The following SYT13 variants were observed in gnomAD, a reference collection of about 807,000 sequenced individuals.
SYT13 encodes the protein synaptotagmin 13.
Under a neutral mutation model 38.6 loss-of-function variants are expected in SYT13, and 21 were observed. The ratio of observed to expected loss-of-function variants is 0.54; its 90% CI spans 0.39 to 0.78. The LOEUF is 0.78. Among genes scored for constraint, SYT13 ranks in the 30% least tolerant of loss-of-function variants. The pLI, the probability that SYT13 is intolerant of heterozygous loss-of-function variation, is 0.00. For synonymous variants in SYT13, 241 were observed against 237.6 expected (o/e 1.01, Z -0.13); for missense variants, 495 against 548.7 (o/e 0.90, Z 0.98).
In SYT13 at chr11:45,286,249, A is replaced by G; in HGVS notation, c.-42T>C. The G allele has an allele frequency of 6.7e-7, 1 of 1,485,362 alleles. No homozygotes were observed. The highest frequency in any genetic ancestry group is 8.9e-7 in the Non-Finnish European group (1 of 1,120,566). The allele number at this position is 1,485,362 out of a possible 1,614,324, so 92.0% of individuals were successfully genotyped here. A position where few individuals can be genotyped will look rare whatever the true frequency, so the allele number is the denominator to read the frequency against. ...GAGGGGCTGGGTCCCGCAGCCGCTC[A>G]CCTTCCCCGGGCCGGGCCCGCCTCC... On this transcript the variant is annotated 5_prime_UTR_variant, in exon 1 of 6. Transcript: ENST00000020926.
intron 1 of SYT13, among the ~76,000 whole-genome samples, chr11:45,279,879 C>A (rs768952170): frequency 6.6e-6 from 1 of 152,134 alleles, no homozygotes; most frequent in Non-Finnish European, 1.5e-5. Context: ...GTCCTATCAT[C>A]ATTAAGGTAC....
Position 45,286,234 on chromosome 11 carries a change from G to T in SYT13, c.-27C>A. On this transcript the variant is annotated 5_prime_UTR_variant, in exon 1 of 6. Coordinates refer to ENST00000020926, the MANE Select transcript of SYT13 (RefSeq NM_020826.3). Reference sequence around the variant, plus strand: ...GTGCCCGCTCCCGGCGAGGGGCTGGGTCCCGCAGCCGCTCACCTTCCCCGG... The same window carrying T: ...GTGCCCGCTCCCGGCGAGGGGCTGGTTCCCGCAGCCGCTCACCTTCCCCGG... The T allele has an allele frequency of 2.0e-6, 3 of 1,513,556 alleles. No homozygotes were observed. Among genetic ancestry groups the T allele is most frequent in the Non-Finnish European group, 2.6e-6 (3 of 1,133,126 alleles). 93.8% of individuals were successfully genotyped at this position (1,513,556 alleles called of 1,614,324 possible).
rs1854685178 is a variant in SYT13, at chr11:45,252,250, G to A, written c.846+171C>T. On this transcript the variant is annotated intron_variant, in intron 4 of 5. Coordinates refer to ENST00000020926, the MANE Select transcript of SYT13 (RefSeq NM_020826.3). The surrounding 1 kb of genome is among the most constrained non-coding windows in gnomAD (Gnocchi z 4.3). ...TAGGAATCCCAGATCCTGGGCTATG[G>A]GTCTCCTCTAGCCCTCTGCCCCATT... Among the ~76,000 whole-genome samples the A allele has an allele frequency of 1.3e-5, 2 of 152,246 alleles. No individual in the cohort carries two copies. Among genetic ancestry groups the A allele is most frequent in the South Asian group, 4.1e-4 (2 of 4,824 alleles).
chr11:45,249,213 C>T (rs192356953), intron 4 of SYT13, among the ~76,000 whole-genome samples: 23 of 152,300 alleles, frequency 1.5e-4, no homozygotes, highest in Admixed American at 2.6e-4. Context: ...TACCATCTCA[C>T]GCCAGTTAGA....
intron 4 of SYT13, among the ~76,000 whole-genome samples, chr11:45,247,064 A>G (rs1262929013): frequency 6.6e-6 from 1 of 152,308 alleles, no homozygotes; most frequent in East Asian, 1.9e-4. Flanking sequence ...ATGATGGTAG[A>G]TCATGCCCAG....
intron 4 of SYT13, among the ~76,000 whole-genome samples, chr11:45,249,214 G>A (rs140725398): frequency 0.027 from 4,149 of 152,214 alleles, 200 homozygotes; most frequent in African/African-American, 0.094. Context: ...ACCATCTCAC[G>A]CCAGTTAGAA....
intron 1 of SYT13, among the ~76,000 whole-genome samples, chr11:45,285,672 A>T (rs910684823): frequency 5.3e-5 from 8 of 151,500 alleles, no homozygotes; most frequent in Non-Finnish European, 1.0e-4. Context: ...AACCCTGGCG[A>T]TTCCCCTCCC....
chr11:45,243,826 A>G lies in SYT13; in HGVS notation c.*226T>C, dbSNP rs1350678160. On this transcript the variant is annotated 3_prime_UTR_variant, in exon 6 of 6. Transcript: ENST00000020926. ...CTGTATTTAATAAGCACCTCCTTCAATAACACAGATGAGCAAAATGCATTC... is the reference window on the plus strand; with the variant it reads ...CTGTATTTAATAAGCACCTCCTTCAGTAACACAGATGAGCAAAATGCATTC... 3 of 531,972 alleles carry G rather than the reference A, an allele frequency of 5.6e-6. No individual in the cohort carries two copies. Among genetic ancestry groups the G allele is most frequent in the Admixed American group, 7.0e-5 (2 of 28,620 alleles). The allele number at this position is 531,972 out of a possible 1,614,324, so 33.0% of individuals were successfully genotyped here.
chr11:45,259,547 A>G (rs1168226900), intron 1 of SYT13, among the ~76,000 whole-genome samples: 1 of 151,942 alleles, frequency 6.6e-6, no homozygotes, highest in Non-Finnish European at 1.5e-5. Context: ...CTTAAAATGC[A>G]CCCCTAGAGC....
chr11:45,285,836 AT>A, intron 1 of SYT13, 188 bp downstream of exon 1: 7 of 180,392 alleles, frequency 3.9e-5, no homozygotes, highest in Non-Finnish European at 6.5e-5. Flanking sequence ...CGTCTCCCCC[AT>A]CCCCTAGCCT....
intron 1 of SYT13, among the ~76,000 whole-genome samples, chr11:45,281,031 C>T (rs1236406763): frequency 6.6e-6 from 1 of 152,006 alleles, no homozygotes; most frequent in African/African-American, 2.4e-5. Context: ...CCCATCTCTA[C>T]TAAAAATACA....
chr11:45,259,869 A>C (rs1485672295), intron 1 of SYT13, among the ~76,000 whole-genome samples: 1 of 152,160 alleles, frequency 6.6e-6, no homozygotes, highest in Non-Finnish European at 1.5e-5. Context: ...CAGAGTGGAG[A>C]GACAGAAAGA....
Position 45,281,391 on chromosome 11 carries a change from C to T in SYT13, c.183+4634G>A, listed in dbSNP as rs374318470. Among the ~76,000 whole-genome samples the T allele has an allele frequency of 4.0e-5, 6 of 151,892 alleles. No homozygotes were observed. In the East Asian group the frequency reaches 7.8e-4, roughly 20 times the overall value. On this transcript the variant is annotated intron_variant, in intron 1 of 5. Transcript: ENST00000020926. ...GGACAGAAGGGGCCTGGGGGCCAGA[C>T]GCAGTGGCTCACACCTGTAACCCCA...
rs141984184 is a variant in SYT13 at position 45,252,466 on chromosome 11, C to T, written c.801G>A (p.Val267=). The T allele has an allele frequency of 2.5e-5, 40 of 1,610,802 alleles. No homozygotes were observed. The highest frequency in any genetic ancestry group is 1.7e-4 in the African/African-American group (13 of 74,912). Residue 267 remains valine (V), a synonymous_variant, in exon 4 of 6, where the codon GTG becomes GTA. Transcript: ENST00000020926. This position sits in a 1 kb window ranked among gnomAD's most constrained non-coding sequence, Gnocchi z 4.3. ...CGCCCCACTGGGCAGCCCCTAGAGGCACAGATGTCCCGTCCAGGCCCAGGC... is the reference window on the plus strand; with the variant it reads ...CGCCCCACTGGGCAGCCCCTAGAGGTACAGATGTCCCGTCCAGGCCCAGGC... ...ELRLGLDGTS[V]PLGAAQWGEL... is the part of the protein sequence containing the mutation.
At position 45,252,719 on chromosome 11, in the gene SYT13, A is replaced by C. The variant is rs551475019; in HGVS notation, c.548T>G (p.Val183Gly). 1.3e-6 allele frequency: 2 copies of C among 1,569,748 alleles called. No homozygotes were observed. The highest frequency in any genetic ancestry group is 2.7e-5 in the African/African-American group (2 of 74,142). ...ACAGCCTCCGTCGTGGTTGCTGGTCACAGCTGCAGGCAAGGAGAACAACAC... is the reference window on the plus strand; with the variant it reads ...ACAGCCTCCGTCGTGGTTGCTGGTCCCAGCTGCAGGCAAGGAGAACAACAC... The part of the protein sequence containing the change: ...AELFVTRLEA[V>G]TSNHDGGCDC... Residue 183 changes from valine to glycine, a missense_variant, in exon 4 of 6, where the codon GTG (valine) becomes GGG (glycine). Transcript: ENST00000020926. This position sits in a 1 kb window ranked among gnomAD's most constrained non-coding sequence, Gnocchi z 4.3.
chr11:45,256,868 G>A (rs1854754169), intron 1 of SYT13, among the ~76,000 whole-genome samples: 1 of 152,190 alleles, frequency 6.6e-6, no homozygotes. Flanking sequence ...GGAGAGACAT[G>A]TATGACTTGC....
At chr11:45,247,261 G>T (rs1383055064) in intron 4 of SYT13, among the ~76,000 whole-genome samples, 2 of 152,214 alleles carry the variant, frequency 1.3e-5, no homozygotes, top group Non-Finnish European at 2.9e-5. Flanking sequence ...TAGGAGGTGG[G>T]TGTTTGGTTG....
At chr11:45,266,377 G>A (rs1854881345) in intron 1 of SYT13, among the ~76,000 whole-genome samples, 1 of 152,126 alleles carries the variant, frequency 6.6e-6, no homozygotes, top group Non-Finnish European at 1.5e-5. Flanking sequence ...ATGAGTCTTT[G>A]TATTTGATTC....
rs116493384 is a variant in SYT13 at position 45,272,683 on chromosome 11, A to T, written c.183+13342T>A. On this transcript the variant is annotated intron_variant, in intron 1 of 5. Transcript: ENST00000020926. ...ATGATTTGATCATGGAAGGTCAGTG[A>T]TATCAGAGTACCTGGCTCCAAATTA... Among the ~76,000 whole-genome samples, 1,025 of 152,340 alleles carry T rather than the reference A, an allele frequency of 6.7e-3. 14 individuals are homozygous for T. The highest frequency in any genetic ancestry group is 0.024 in the African/African-American group (984 of 41,572).
Sources: allele counts gnomAD v4.1 joint callset (sites outside exome capture counted in the v4.1 genomes callset), GRCh38; gene constraint gnomAD v4.1.1; non-coding constraint Gnocchi (gnomAD v3.1); transcripts MANE v1.5; gene names NCBI Gene and HGNC (gene_info 2026-07-23, HGNC 2026-07-21).